PHACTR1: variants seen among roughly 807,000 people sequenced by gnomAD.
The protein encoded by PHACTR1 is RPEL repeat containing 1.
Under a neutral mutation model 69.2 loss-of-function variants are expected in PHACTR1, and 16 were observed. The ratio of observed to expected loss-of-function variants is 0.23; its 90% CI spans 0.16 to 0.35. PHACTR1 has a LOEUF of 0.35. Among genes scored for constraint, PHACTR1 ranks in the 10% least tolerant of loss-of-function variants. PHACTR1 has a pLI of 1.00. For missense variants in PHACTR1, 510 were observed against 734.7 expected (o/e 0.69, Z 3.54); for synonymous variants, 312 against 284.5 (o/e 1.10, Z -0.97).
intron 4 of PHACTR1, among the ~76,000 whole-genome samples, chr6:12,907,886 T>G (rs546236437): frequency 6.6e-6 from 1 of 152,336 alleles, no homozygotes; most frequent in South Asian, 2.1e-4. Flanking sequence ...AGAGGCTCCT[T>G]GAGGCCTTTT....
intron 7 of PHACTR1, among the ~76,000 whole-genome samples, chr6:13,193,775 G>A (rs1763962170): frequency 6.6e-6 from 1 of 152,036 alleles, no homozygotes; most frequent in African/African-American, 2.4e-5. Context: ...AGATGAATGT[G>A]TCGATGCTCA....
chr6:12,959,201 G>A lies in PHACTR1; in HGVS notation c.251-94164G>A, dbSNP rs140697590. Among the ~76,000 whole-genome samples the A allele has an allele frequency of 9.2e-3, 1,081 of 116,924 alleles. 8 individuals carry two copies. The highest frequency in any genetic ancestry group is 0.022 in the African/African-American group (617 of 28,222). The allele number at this position is 116,924 out of a possible 152,430, so 76.7% of individuals were successfully genotyped here. ...CAAAAAAAAAAAAAAAAAAAGAAAA[G>A]AAAAAAAAAAGAAAAGAAAACAGAA... On this transcript the variant is annotated intron_variant, in intron 4 of 14. Transcript: ENST00000332995.
intron 4 of PHACTR1, among the ~76,000 whole-genome samples, chr6:12,787,946 C>T (rs1442962211): frequency 2.6e-5 from 4 of 152,134 alleles, no homozygotes; most frequent in Non-Finnish European, 5.9e-5. Flanking sequence ...CACCTGAGGT[C>T]AGGAGTACGA....
chr6:12,881,735 C>T (rs1036471021), intron 4 of PHACTR1, among the ~76,000 whole-genome samples: 2 of 152,058 alleles, frequency 1.3e-5, no homozygotes, highest in African/African-American at 4.8e-5. Context: ...CAGTAGGACT[C>T]GCGATGTCCT....
At chr6:13,132,504 G>T (rs572827377) in intron 5 of PHACTR1, among the ~76,000 whole-genome samples, 1 of 152,238 alleles carries the variant, frequency 6.6e-6, no homozygotes, top group East Asian at 1.9e-4. Context: ...ACGATGTCAT[G>T]GTTTGTGACA....
intron 5 of PHACTR1, among the ~76,000 whole-genome samples, chr6:13,131,223 ACACACACACACACACAC>A (rs1404925487): frequency 1.8e-5 from 1 of 54,840 alleles, no homozygotes; most frequent in Non-Finnish European, 4.3e-5. Flanking sequence ...ACACACACAC[ACACACACACACACACAC>A]ACACACCATG....
At chr6:13,274,127 G>A (rs1310031270) in intron 11 of PHACTR1, 2 of 151,058 alleles carry the variant, frequency 1.3e-5, no homozygotes, top group East Asian at 3.9e-4. Context: ...ACCCCCGCCC[G>A]ACGCCCCCGC....
intron 4 of PHACTR1, chr6:12,958,022 T>C (rs1413225064): frequency 8.1e-6 from 8 of 985,270 alleles, no homozygotes; most frequent in Non-Finnish European, 9.6e-6. Flanking sequence ...GCAAAGAGCT[T>C]TGGGCAGCCT....
At chr6:12,974,850 G>T (rs1372172405) in intron 4 of PHACTR1, among the ~76,000 whole-genome samples, 1 of 152,124 alleles carries the variant, frequency 6.6e-6, no homozygotes, top group Non-Finnish European at 1.5e-5. Context: ...GTCAGTAAAA[G>T]GTGTTATTTT....
intron 4 of PHACTR1, among the ~76,000 whole-genome samples, chr6:12,900,737 G>A (rs918728335): frequency 1.3e-5 from 2 of 152,098 alleles, no homozygotes; most frequent in African/African-American, 4.8e-5. Context: ...TAAAGTCCAT[G>A]TTCAGTGCCT....
chr6:12,761,299 C>T (rs1198776024), intron 4 of PHACTR1, among the ~76,000 whole-genome samples: 1 of 152,188 alleles, frequency 6.6e-6, no homozygotes, highest in African/African-American at 2.4e-5. Flanking sequence ...AGACTGATTT[C>T]CCCTAAAGTG....
chr6:12,717,983 C>T (rs1761605600), intron 2 of PHACTR1, among the ~76,000 whole-genome samples: 1 of 152,074 alleles, frequency 6.6e-6, no homozygotes. Flanking sequence ...AAAAAGAACC[C>T]AACAGGCTGA....
chr6:12,901,675 T>G (rs1785211564), intron 4 of PHACTR1, among the ~76,000 whole-genome samples: 1 of 152,156 alleles, frequency 6.6e-6, no homozygotes, highest in Non-Finnish European at 1.5e-5. Flanking sequence ...TTGTATTTTT[T>G]GGTAGAAACG....
In PHACTR1 at chr6:13,134,678, T is replaced by A. The variant is rs1223513; in HGVS notation, c.416-25526T>A. Among the ~76,000 whole-genome samples the A allele has an allele frequency of 2.6e-5, 4 of 151,362 alleles. No homozygotes were observed. The East Asian group carries it at 7.8e-4, about 30-fold the overall frequency. On this transcript the variant is annotated intron_variant, in intron 5 of 14. Transcript: ENST00000332995. ...GGGGAAGGCCGCAGGGTCCTCTGCA[T>A]AGGAAAACCAGAGACCCTTGTTCAC...
chr6:13,026,388 A>G (rs75015752), intron 4 of PHACTR1, among the ~76,000 whole-genome samples: 5,224 of 152,212 alleles, frequency 0.034, 321 homozygotes, highest in African/African-American at 0.12. Context: ...AAATTCTGTG[A>G]TATTTTAAAA....
At chr6:12,921,456 G>A (rs578122903) in intron 4 of PHACTR1, among the ~76,000 whole-genome samples, 1 of 140,502 alleles carries the variant, frequency 7.1e-6, no homozygotes, top group Non-Finnish European at 1.6e-5. Flanking sequence ...ATGCTGGAGG[G>A]AAGGATGGAA....
intron 4 of PHACTR1, among the ~76,000 whole-genome samples, chr6:13,000,614 G>GAGGAAGGAAGGAAGGAAGGAAGGA (rs796923836): frequency 0.013 from 1,309 of 103,728 alleles, 70 homozygotes; most frequent in African/African-American, 0.049. Flanking sequence ...GGAGGGAAGG[G>GAGGAAGGAAGGAAGGAAGGAAGGA]AGGAAGGAAG....
intron 8 of PHACTR1, among the ~76,000 whole-genome samples, chr6:13,219,535 C>T (rs1029488779): frequency 1.3e-5 from 2 of 152,146 alleles, no homozygotes; most frequent in African/African-American, 2.4e-5. Flanking sequence ...AGCAGCGCTC[C>T]GTTGTGCAAG....
intron 4 of PHACTR1, among the ~76,000 whole-genome samples, chr6:13,036,991 A>G (rs1202302674): frequency 6.6e-6 from 1 of 152,182 alleles, no homozygotes; most frequent in African/African-American, 2.4e-5. Flanking sequence ...GTAGGGTCAT[A>G]TCAATTAGGA....
Sources: allele counts gnomAD v4.1 joint callset (sites outside exome capture counted in the v4.1 genomes callset), GRCh38; gene constraint gnomAD v4.1.1; transcripts MANE v1.5; gene names NCBI Gene and HGNC (gene_info 2026-07-23, HGNC 2026-07-21).